NCK1: variants seen among roughly 807,000 people sequenced by gnomAD.
NCK1 encodes the protein NCK adaptor protein 1.
A neutral mutation model predicts 36.6 loss-of-function variants in NCK1; 19 were observed. The ratio of observed to expected loss-of-function variants is 0.52; its 90% confidence interval spans 0.36 to 0.76. The LOEUF (loss-of-function observed/expected upper bound fraction) is 0.76. NCK1 is among the 30% of genes least tolerant of loss of function. The pLI, the probability that NCK1 is intolerant of heterozygous loss-of-function variation, is 0.00. For missense variants in NCK1, 358 were observed against 445.6 expected, an observed-to-expected ratio of 0.80 and a Z score of 1.77; for synonymous variants, 165 against 156.0, an observed-to-expected ratio of 1.06 and a Z score of -0.43.
chr3:136,891,881 G>A (rs1324440558), intron 1 of NCK1, among the ~76,000 whole-genome samples: 2 of 152,076 alleles, frequency 1.3e-5, no homozygotes, highest in Non-Finnish European at 2.9e-5. Flanking sequence ...CCATTTTTGT[G>A]TTGGATTTTT....
intron 2 of NCK1, among the ~76,000 whole-genome samples, chr3:136,934,726 T>C (rs1940484822): frequency 6.6e-6 from 1 of 152,212 alleles, no homozygotes; most frequent in African/African-American, 2.4e-5. Flanking sequence ...TAAAAAAGAT[T>C]AAATAACTTG....
At chr3:136,899,609 A>G in intron 1 of NCK1, 1 of 656,650 alleles carries the variant, frequency 1.5e-6, no homozygotes. Flanking sequence ...CCGCAGCTTT[A>G]GATGCTGCTT....
At chr3:136,941,192 C>A (rs1035104546) in intron 2 of NCK1, among the ~76,000 whole-genome samples, 3 of 144,414 alleles carry the variant, frequency 2.1e-5, no homozygotes, top group African/African-American at 7.8e-5. Context: ...GTGGTGGAAT[C>A]TCTGCTCACT....
chr3:136,936,768 C>T (rs201526093), intron 2 of NCK1, among the ~76,000 whole-genome samples: 4 of 152,232 alleles, frequency 2.6e-5, no homozygotes, highest in South Asian at 2.1e-4. Context: ...GTTGGCCATT[C>T]GTATACCGTA....
intron 1 of NCK1, among the ~76,000 whole-genome samples, chr3:136,900,893 C>CCTTTT: frequency 6.6e-6 from 1 of 152,140 alleles, no homozygotes; most frequent in South Asian, 2.1e-4. Flanking sequence ...AATTTGGATG[C>CCTTTT]CTTTTCTTTT....
chr3:136,868,138 A>G (rs1332027265), intron 1 of NCK1, among the ~76,000 whole-genome samples: 1 of 150,878 alleles, frequency 6.6e-6, no homozygotes, highest in Non-Finnish European at 1.5e-5. Flanking sequence ...CTGGTCTCAA[A>G]CTCCTGACCT....
At chr3:136,905,391 T>C (rs1939657023) in intron 1 of NCK1, among the ~76,000 whole-genome samples, 1 of 152,154 alleles carries the variant, frequency 6.6e-6, no homozygotes, top group African/African-American at 2.4e-5. Flanking sequence ...ATTGTTTTTC[T>C]GAATTTTTTG....
intron 1 of NCK1, among the ~76,000 whole-genome samples, chr3:136,906,137 G>A (rs1308446212): frequency 6.6e-6 from 1 of 152,030 alleles, no homozygotes; most frequent in African/African-American, 2.4e-5. Flanking sequence ...TGGCACTTTG[G>A]CTTTGATTCT....
intron 1 of NCK1, among the ~76,000 whole-genome samples, chr3:136,896,142 A>C (rs1939385480): frequency 6.6e-6 from 1 of 152,222 alleles, no homozygotes; most frequent in Non-Finnish European, 1.5e-5. Context: ...TGTGTTGGGA[A>C]CATTTAAAGT....
At chr3:136,913,563 C>T (rs947679196) in intron 1 of NCK1, among the ~76,000 whole-genome samples, 18 of 152,222 alleles carry the variant, frequency 1.2e-4, no homozygotes, top group Non-Finnish European at 2.9e-5. Context: ...ACACTGCACC[C>T]AGCCCTTTTT....
chr3:136,916,873 G>A (rs1361123120), intron 1 of NCK1, among the ~76,000 whole-genome samples: 2 of 152,134 alleles, frequency 1.3e-5, no homozygotes, highest in African/African-American at 4.8e-5. Flanking sequence ...AGGTTGGTAT[G>A]ACAGGCCCTG....
chr3:136,876,093 C>T (rs1167961566), intron 1 of NCK1, among the ~76,000 whole-genome samples: 2 of 151,654 alleles, frequency 1.3e-5, no homozygotes, highest in African/African-American at 4.8e-5. Flanking sequence ...TAAAGATGTT[C>T]TTTGAAACCA....
intron 3 of NCK1, chr3:136,947,112 G>T (rs956855804): frequency 6.6e-6 from 1 of 152,172 alleles, no homozygotes; most frequent in South Asian, 2.1e-4. Context: ...AAAATGTGTG[G>T]AAGTGGGGTG....
intron 1 of NCK1, chr3:136,900,128 G>A (rs1193020311): frequency 2.8e-6 from 1 of 357,306 alleles, no homozygotes; most frequent in Non-Finnish European, 5.3e-6. Context: ...GTTGGCTGTA[G>A]TGGTGGTTTC....
chr3:136,941,159 T>C (rs1940665049), intron 2 of NCK1, among the ~76,000 whole-genome samples: 1 of 147,316 alleles, frequency 6.8e-6, no homozygotes, highest in Non-Finnish European at 1.5e-5. Context: ...AGGGTCTCAC[T>C]CTGTCACCCA....
rs1415735305 is a variant in NCK1 at position 136,867,113 on chromosome 3, TTTCTTTG to T, written c.-19+4763_-19+4769del. ...CTTTCTTTCTTTCTTTCTTTCTTTC[TTTCTTTG>T]TTTCTTTCTTTCCTTCCTTCCTTCC... On this transcript the variant is annotated intron_variant, in intron 1 of 3. Transcript: ENST00000481752. Among the ~76,000 whole-genome samples the T allele has an allele frequency of 1.2e-3, 34 of 29,116 alleles. 6 individuals carry two copies. Among genetic ancestry groups the T allele is most frequent in the African/African-American group, 4.1e-3 (33 of 8,086 alleles). 19.1% of individuals were successfully genotyped at this position (29,116 alleles called of 152,430 possible).
Position 136,928,074 on chromosome 3 carries a change from A to G in NCK1, c.73A>G (p.Lys25Glu). Reference protein sequence around the residue: ...AQQEQELDIKKNERLWLLDDS... With the variant: ...AQQEQELDIKENERLWLLDDS... ...ACAAGAACAAGAGTTGGACATCAAG[A>G]AGAATGAGAGATTATGGCTTCTGGA... Residue 25 changes from lysine (K) to glutamate (E), a missense_variant, in exon 2 of 4, where the codon AAG (lysine) becomes GAG (glutamate). Lys to Glu is a moderately conservative substitution (Grantham distance 56). Transcript: ENST00000481752. 6.2e-7 allele frequency: 1 copy of G among 1,614,162 alleles called. No homozygotes were observed. The highest frequency in any genetic ancestry group is 8.5e-7 in the Non-Finnish European group (1 of 1,180,020).
chr3:136,917,041 T>G (rs1292058991), intron 1 of NCK1, among the ~76,000 whole-genome samples: 1 of 152,206 alleles, frequency 6.6e-6, no homozygotes, highest in African/African-American at 2.4e-5. Flanking sequence ...ATTGTACATT[T>G]GTAATTTATC....
At chr3:136,926,556 T>C (rs767843758) in intron 1 of NCK1, among the ~76,000 whole-genome samples, 48 of 152,160 alleles carry the variant, frequency 3.2e-4, no homozygotes, top group Non-Finnish European at 6.6e-4. Context: ...ATTACAGGCA[T>C]GAGCCACCGC....
Sources: gnomAD v4.1 joint callset for allele counts (sites outside exome capture counted in the v4.1 genomes callset) on GRCh38, gnomAD v4.1.1 for gene constraint, MANE v1.5 for transcripts, NCBI Gene and HGNC (gene_info 2026-07-23, HGNC 2026-07-21) for gene names.